Variants in EIF2D observed in about 807,000 individuals in gnomAD.
EIF2D encodes the protein hepatocellular carcinoma-associated antigen 56.
Under a neutral mutation model 77.4 loss-of-function variants are expected in EIF2D, and 56 were observed. The observed-to-expected ratio is 0.72, with a 90% CI of 0.58 to 0.90. The LOEUF is 0.90. Ranked by LOEUF, EIF2D falls within the 40% of genes least tolerant of loss-of-function variation. The pLI is 0.00. For synonymous variants in EIF2D, 230 were observed against 271.0 expected (o/e 0.85, Z 1.49); for missense variants, 574 against 706.5 (o/e 0.81, Z 2.13).
At position 206,603,143 on chromosome 1, in the gene EIF2D, G is replaced by A. The variant is rs781934615; in HGVS notation, c.592C>T (p.Leu198Phe). Reference sequence around the variant, plus strand: ...TGGACAGACCCCTTCTCTTCACTGAGATCTGCTGAATCCAGGGCCAGTGGA... The same window carrying A: ...TGGACAGACCCCTTCTCTTCACTGAAATCTGCTGAATCCAGGGCCAGTGGA... ...IAPLALDSAD[L>F]SEEKGSVQMD... Residue 198 changes from leucine (L) to phenylalanine (F), a missense_variant, in exon 6 of 15, where the codon CTC becomes TTC. By Grantham distance (22) the Leu-to-Phe change is conservative. Coordinates refer to ENST00000271764, the MANE Select transcript of EIF2D (RefSeq NM_006893.3). 3 of 1,614,038 alleles carry A rather than the reference G, an allele frequency of 1.9e-6. No individual in the cohort carries two copies. Among genetic ancestry groups the A allele is most frequent in the Non-Finnish European group, 2.5e-6 (3 of 1,180,044 alleles).
In EIF2D at chr1:206,599,193, A is replaced by T; in HGVS notation, c.1203-101T>A. 8.6e-7 allele frequency: 1 copy of T among 1,164,810 alleles called. No individual in the cohort carries two copies. The highest frequency in any genetic ancestry group is 2.4e-5 in the East Asian group (1 of 41,914). The allele number at this position is 1,164,810 out of a possible 1,614,324, so 72.2% of individuals were successfully genotyped here. A position where few individuals can be genotyped will look rare whatever the true frequency, so the allele number is the denominator to read the frequency against. ...CCCTGCTGAGCAGGGAACTTTCCTT[A>T]GCTTTCGGCCTCTAGTTTCTTCCCT... On this transcript the variant is annotated intron_variant, in intron 10 of 14. Coordinates refer to ENST00000271764, the MANE Select transcript of EIF2D (RefSeq NM_006893.3). The surrounding 1 kb of genome is among the most constrained non-coding windows in gnomAD (Gnocchi z 4.1).
rs782715825 is a variant in EIF2D at position 206,585,169 on chromosome 1, T to G, written c.139-4007A>C. ...TGGGAAGAGCTCCCAGCACCCTCTC[T>G]TGGTTTGCAGTGCTCTTCCAGAAAC... is the stretch of plus-strand genomic sequence containing the variant. On this transcript the variant is annotated intron_variant and NMD_transcript_variant, in intron 2 of 5. Coordinates refer to the EIF2D transcript ENST00000472709. 40 of 1,605,640 alleles carry G rather than the reference T, an allele frequency of 2.5e-5. No homozygotes were observed. The highest frequency in any genetic ancestry group is 3.2e-5 in the Non-Finnish European group (38 of 1,172,446).
At chr1:206,610,613 G>A (rs1670429757) in intron 2 of EIF2D, among the ~76,000 whole-genome samples, 1 of 152,136 alleles carries the variant, frequency 6.6e-6, no homozygotes, top group African/African-American at 2.4e-5. Context: ...GAGGTCAGGA[G>A]ATCAAGATCA....
At chr1:206,586,702 A>T, downstream of EIF2D, 1 of 772,272 alleles carries the variant, frequency 1.3e-6, no homozygotes, top group East Asian at 2.5e-5. Context: ...GTTCAGTAGC[A>T]AACTGTGTGT....
intron 4 of EIF2D, 62 bp downstream of exon 4, chr1:206,608,174 C>T: frequency 1.4e-6 from 2 of 1,481,164 alleles, no homozygotes; most frequent in Non-Finnish European, 1.9e-6. Flanking sequence ...AGTTGTCATT[C>T]CCCTCCAACT....
At chr1:206,594,646 C>G (rs1179564608) in intron 13 of EIF2D, 1 of 152,170 alleles carries the variant, frequency 6.6e-6, no homozygotes, top group African/African-American at 2.4e-5. Context: ...GAGGACGTAT[C>G]TCTTCCAATT....
At chr1:206,578,149 C>T (rs1668724405) in intron 4 of EIF2D, among the ~76,000 whole-genome samples, 1 of 151,748 alleles carries the variant, frequency 6.6e-6, no homozygotes, top group Non-Finnish European at 1.5e-5. Context: ...TTGCTTGAGC[C>T]TAGGAGGTCG....
chr1:206,593,518 T>TGCGTGTGTGC, intron 14 of EIF2D, 101 bp downstream of exon 14: 1 of 615,856 alleles, frequency 1.6e-6, no homozygotes, highest in South Asian at 2.4e-5. Context: ...AGTGTGTGTG[T>TGCGTGTGTGC]GTGTGTGTGT....
intron 2 of EIF2D, among the ~76,000 whole-genome samples, chr1:206,581,904 C>T (rs1024074195): frequency 6.6e-6 from 1 of 151,958 alleles, no homozygotes; most frequent in Admixed American, 6.6e-5. Flanking sequence ...TTGTGTTCCG[C>T]GGGGTGGTGA....
At chr1:206,576,378 C>T (rs1199447455) in intron 4 of EIF2D, among the ~76,000 whole-genome samples, 1 of 152,202 alleles carries the variant, frequency 6.6e-6, no homozygotes, top group Non-Finnish European at 1.5e-5. Context: ...TAGCTGTCTA[C>T]CTCCATCCCT....
rs2102286782 is a variant in EIF2D, at chr1:206,599,361, A to T, written c.1202+102T>A. 7.6e-6 allele frequency: 11 copies of T among 1,447,006 alleles called. No individual in the cohort carries two copies. In the South Asian group the frequency reaches 1.4e-4, roughly 19 times the overall value. The allele number at this position is 1,447,006 out of a possible 1,614,324, so 89.6% of individuals were successfully genotyped here. A position where few individuals can be genotyped will look rare whatever the true frequency, so the allele number is the denominator to read the frequency against. ...TTTTGGAGAAGGGGAGAACAGGGGCAGAGCAGGTTTTGCCAGTCGCAAAAG... is the reference window on the plus strand; with the variant it reads ...TTTTGGAGAAGGGGAGAACAGGGGCTGAGCAGGTTTTGCCAGTCGCAAAAG... On this transcript the variant is annotated intron_variant, in intron 10 of 14. Coordinates refer to ENST00000271764, the MANE Select transcript of EIF2D (RefSeq NM_006893.3). The surrounding 1 kb of genome is among the most constrained non-coding windows in gnomAD (Gnocchi z 4.1).
chr1:206,600,431 C>A (rs1196593966), intron 7 of EIF2D, 123 bp from the exon 8 acceptor site: 6 of 813,734 alleles, frequency 7.4e-6, no homozygotes, highest in South Asian at 5.0e-5. Context: ...GGCCACTGTG[C>A]CAGAACTCTC....
Position 206,602,934 on chromosome 1 carries a change from T to C in EIF2D, c.784+17A>G. On this transcript the variant is annotated intron_variant, in intron 6 of 14. Transcript: ENST00000271764. ...TGAGAGGTGGGGAGATGGGCTCTTCTCCTCCTAGAGTTATACCTTGAAGCG... is the reference window on the plus strand; with the variant it reads ...TGAGAGGTGGGGAGATGGGCTCTTCCCCTCCTAGAGTTATACCTTGAAGCG... 1 of 1,611,434 alleles carries C rather than the reference T, an allele frequency of 6.2e-7. No homozygotes were observed. The highest frequency in any genetic ancestry group is 1.1e-5 in the South Asian group (1 of 90,968).
chr1:206,575,796 G>A (rs940582941), intron 4 of EIF2D, among the ~76,000 whole-genome samples: 3 of 152,234 alleles, frequency 2.0e-5, no homozygotes, highest in Admixed American at 1.3e-4. Flanking sequence ...AGACGTCACA[G>A]GTCATTTGAT....
At position 206,599,430 on chromosome 1, in the gene EIF2D, C is replaced by A; in HGVS notation, c.1202+33G>T. Reference sequence around the variant, plus strand: ...AGGAACTGTAGGCCAGAACACCAAGCAGGCAGAGAAGGGCTGCTCTCCAAA... The same window carrying A: ...AGGAACTGTAGGCCAGAACACCAAGAAGGCAGAGAAGGGCTGCTCTCCAAA... On this transcript the variant is annotated intron_variant, in intron 10 of 14. Transcript: ENST00000271764. The surrounding 1 kb of genome is among the most constrained non-coding windows in gnomAD (Gnocchi z 4.1). The A allele has an allele frequency of 1.2e-6, 2 of 1,609,532 alleles. No homozygotes were observed. Among genetic ancestry groups the A allele is most frequent in the South Asian group, 1.1e-5 (1 of 90,574 alleles).
At position 206,599,741 on chromosome 1, in the gene EIF2D, T is replaced by G; in HGVS notation, c.1044A>C (p.Lys348Asn). ...AGGCCCCCTGCACTCACCTCGGGTG[T>G]TTCCAGTCCACAGCCACAATGCTCT... ...GVESIVAVDWKHPRITSFVIP... is the reference protein window; with the variant it reads ...GVESIVAVDWNHPRITSFVIP... The change falls in exon 9 of 15, where the codon AAA becomes AAC. Residue 348 changes from lysine (K) to asparagine (N), a missense_variant. Physicochemically the swap from Lys to Asn is moderately conservative, Grantham distance 94. Coordinates refer to ENST00000271764, the MANE Select transcript of EIF2D (RefSeq NM_006893.3). This position sits in a 1 kb window ranked among gnomAD's most constrained non-coding sequence, Gnocchi z 4.1. 1 of 1,614,158 alleles carries G rather than the reference T, an allele frequency of 6.2e-7. No individual in the cohort carries two copies. The highest frequency in any genetic ancestry group is 8.5e-7 in the Non-Finnish European group (1 of 1,180,024).
At chr1:206,612,247 T>A in intron 1 of EIF2D, 40 bp downstream of exon 1, 3 of 1,613,904 alleles carry the variant, frequency 1.9e-6, no homozygotes, top group Non-Finnish European at 2.5e-6. Context: ...AAGAGGTGTC[T>A]GGTTGTTCCG....
At chr1:206,583,313 G>T in intron 2 of EIF2D, 2 of 1,613,436 alleles carry the variant, frequency 1.2e-6, no homozygotes, top group Non-Finnish European at 1.7e-6. Context: ...CGCCCACACT[G>T]CAGGAGATCA....
At chr1:206,607,322 G>A (rs1480913273) in intron 4 of EIF2D, among the ~76,000 whole-genome samples, 4 of 152,124 alleles carry the variant, frequency 2.6e-5, no homozygotes, top group African/African-American at 9.7e-5. Context: ...ATTTTTATAC[G>A]CACATGTATA....
Sources: allele counts gnomAD v4.1 joint callset (sites outside exome capture counted in the v4.1 genomes callset), GRCh38; gene constraint gnomAD v4.1.1; non-coding constraint Gnocchi (gnomAD v3.1); transcripts MANE v1.5; gene names NCBI Gene and HGNC (gene_info 2026-07-23, HGNC 2026-07-21).